The following ULK4 variants were observed in gnomAD, a reference collection of about 807,000 sequenced individuals.
The protein encoded by ULK4 is inactive serine/threonine-protein kinase ULK4.
A neutral mutation model predicts 160.6 loss-of-function variants in ULK4; 133 were observed. The ratio of observed to expected loss-of-function variants is 0.83; its 90% CI spans 0.72 to 0.96. The LOEUF (loss-of-function observed/expected upper bound fraction) is 0.96. Among genes scored for constraint, ULK4 ranks in the 40% least tolerant of loss-of-function variants. The probability of loss-of-function intolerance (pLI) is 0.00; values close to 1 mark genes in which losing one functional copy is unlikely to be tolerated. For synonymous variants in ULK4, 534 were observed against 539.8 expected (o/e 0.99, Z 0.15); for missense variants, 1,580 against 1,499.5 (o/e 1.05, Z -0.89).
At chr3:41,376,723 G>C (rs533390213) in intron 35 of ULK4, among the ~76,000 whole-genome samples, 3 of 150,162 alleles carry the variant, frequency 2.0e-5, no homozygotes, top group Admixed American at 6.6e-5. Context: ...GGAAATAAAA[G>C]AGGATACAAA....
intron 35 of ULK4, among the ~76,000 whole-genome samples, chr3:41,261,919 T>C (rs1303199458): frequency 1.3e-5 from 2 of 152,246 alleles, no homozygotes; most frequent in Admixed American, 6.5e-5. Context: ...ATCAACAGTT[T>C]GCTGGGTAGC....
At chr3:41,440,302 T>G (rs2083133993) in intron 34 of ULK4, among the ~76,000 whole-genome samples, 1 of 152,190 alleles carries the variant, frequency 6.6e-6, no homozygotes, top group Non-Finnish European at 1.5e-5. Context: ...GCGTTAAGGC[T>G]TCCACCATTA....
intron 30 of ULK4, among the ~76,000 whole-genome samples, chr3:41,625,535 G>C (rs1204975776): frequency 1.3e-5 from 2 of 152,128 alleles, no homozygotes; most frequent in Non-Finnish European, 2.9e-5. Flanking sequence ...CGGTGCTCAG[G>C]CCTCGCAGAG....
intron 32 of ULK4, among the ~76,000 whole-genome samples, chr3:41,469,623 A>AAAAAAAAAAAAAAG: frequency 6.7e-6 from 1 of 148,834 alleles, no homozygotes; most frequent in Non-Finnish European, 1.5e-5. Flanking sequence ...AAAAAAAAAA[A>AAAAAAAAAAAAAAG]AAAACACCTT....
At chr3:41,330,599 C>T (rs9820239) in intron 35 of ULK4, among the ~76,000 whole-genome samples, 46,547 of 152,032 alleles carry the variant, frequency 0.31, 8,430 homozygotes, top group African/African-American at 0.51. Flanking sequence ...AGGGTCAGAG[C>T]CAAGTCATAG....
At chr3:41,856,527 A>T (rs6764834) in intron 17 of ULK4, among the ~76,000 whole-genome samples, 1 of 125,266 alleles carries the variant, frequency 8.0e-6, no homozygotes. Context: ...ATATATATAT[A>T]TATATGTATG....
At chr3:41,602,281 GAAA>G (rs2032125302) in intron 31 of ULK4, among the ~76,000 whole-genome samples, 1 of 110,656 alleles carries the variant, frequency 9.0e-6, no homozygotes, top group African/African-American at 4.2e-5. Flanking sequence ...GAAAGGAAAG[GAAA>G]GGAAAGGAAA....
chr3:41,877,148 T>C (rs1697334640), intron 17 of ULK4, among the ~76,000 whole-genome samples: 2 of 152,200 alleles, frequency 1.3e-5, no homozygotes, highest in Admixed American at 6.5e-5. Flanking sequence ...TGAAGAATTA[T>C]ATAAATTGCT....
At chr3:41,625,826 T>A (rs1402334990) in intron 30 of ULK4, among the ~76,000 whole-genome samples, 1 of 152,224 alleles carries the variant, frequency 6.6e-6, no homozygotes, top group Non-Finnish European at 1.5e-5. Context: ...TAAATTTTTT[T>A]AAACCAAAAC....
chr3:41,776,439 A>G (rs1042777748), intron 21 of ULK4, among the ~76,000 whole-genome samples: 8 of 150,802 alleles, frequency 5.3e-5, no homozygotes, highest in Non-Finnish European at 1.2e-4. Context: ...CAGAAAAAAA[A>G]TCTAACACTC....
At chr3:41,914,470 G>A (rs1219778127) in intron 8 of ULK4, among the ~76,000 whole-genome samples, 1 of 152,130 alleles carries the variant, frequency 6.6e-6, no homozygotes, top group Admixed American at 6.5e-5. Context: ...ATTGTTGCTG[G>A]GAGTGTAAAT....
chr3:41,371,603 T>A (rs1313284951), intron 35 of ULK4, among the ~76,000 whole-genome samples: 1 of 151,688 alleles, frequency 6.6e-6, no homozygotes, highest in East Asian at 1.9e-4. Flanking sequence ...AGCATCAACA[T>A]CAACAAAAAG....
intron 17 of ULK4, among the ~76,000 whole-genome samples, chr3:41,849,447 A>C (rs1463964621): frequency 6.6e-6 from 1 of 152,230 alleles, no homozygotes; most frequent in Non-Finnish European, 1.5e-5. Flanking sequence ...AGGCAACGCC[A>C]TGAAGACGGT....
At chr3:41,690,004 C>A (rs1312243097) in intron 27 of ULK4, among the ~76,000 whole-genome samples, 1 of 148,100 alleles carries the variant, frequency 6.8e-6, no homozygotes, top group South Asian at 2.2e-4. Flanking sequence ...ATGTTTACTG[C>A]GGCACTATTC....
chr3:41,874,222 A>T (rs1697218761), intron 17 of ULK4, among the ~76,000 whole-genome samples: 1 of 152,162 alleles, frequency 6.6e-6, no homozygotes, highest in East Asian at 1.9e-4. Context: ...GAGAAGAGGA[A>T]GTGGTGCAAT....
At chr3:41,869,627 TA>T (rs1389063451) in intron 17 of ULK4, among the ~76,000 whole-genome samples, 1 of 152,072 alleles carries the variant, frequency 6.6e-6, no homozygotes, top group Non-Finnish European at 1.5e-5. Context: ...AATATACACA[TA>T]AAATATAGGG....
At chr3:41,698,291 C>G (rs916929423) in intron 27 of ULK4, among the ~76,000 whole-genome samples, 2 of 152,092 alleles carry the variant, frequency 1.3e-5, no homozygotes, top group Non-Finnish European at 2.9e-5. Context: ...AAATTTGAAA[C>G]TTTTTTTTCT....
intron 27 of ULK4, among the ~76,000 whole-genome samples, chr3:41,685,581 T>A (rs1305682221): frequency 6.6e-6 from 1 of 152,244 alleles, no homozygotes; most frequent in African/African-American, 2.4e-5. Flanking sequence ...CAGGAAGGAA[T>A]GGCAGCCTTG....
chr3:41,695,146 A>G (rs2036445943), intron 27 of ULK4, among the ~76,000 whole-genome samples: 1 of 152,234 alleles, frequency 6.6e-6, no homozygotes, highest in African/African-American at 2.4e-5. Context: ...CTTTTAAAGG[A>G]CACTAATTCC....
Sources: allele counts gnomAD v4.1 joint callset (sites outside exome capture counted in the v4.1 genomes callset), GRCh38; gene constraint gnomAD v4.1.1; transcripts MANE v1.5; gene names NCBI Gene and HGNC (gene_info 2026-07-23, HGNC 2026-07-21).